Variants in VMP1 observed in about 807,000 individuals in gnomAD.
VMP1 encodes ectopic P-granules autophagy protein 3 homolog.
VMP1 carries 11 observed loss-of-function variants against 56.0 expected under a neutral mutation model. The observed-to-expected ratio is 0.20, with a 90% confidence interval of 0.12 to 0.32. VMP1 has a LOEUF of 0.32. VMP1 is among the 10% of genes least tolerant of loss of function. The pLI is 1.00. For missense variants in VMP1, 296 were observed against 490.3 expected, an observed-to-expected ratio of 0.60 and a Z score of 3.74; for synonymous variants, 149 against 165.0, an observed-to-expected ratio of 0.90 and a Z score of 0.74.
At chr17:59,744,629 GAA>G (rs767347544) in intron 5 of VMP1, among the ~76,000 whole-genome samples, 9 of 75,524 alleles carry the variant, frequency 1.2e-4, no homozygotes, top group Admixed American at 3.1e-4. Flanking sequence ...ATCTCTACCA[GAA>G]AAAAAAAAAA....
intron 7 of VMP1, among the ~76,000 whole-genome samples, chr17:59,775,020 C>T (rs2036568871): frequency 6.6e-6 from 1 of 151,522 alleles, no homozygotes; most frequent in Non-Finnish European, 1.5e-5. Flanking sequence ...CGGCTCACTA[C>T]AAGCTCCACC....
At chr17:59,774,027 G>T (rs558336452) in intron 7 of VMP1, 142 bp downstream of exon 7, 2 of 913,146 alleles carry the variant, frequency 2.2e-6, no homozygotes, top group Admixed American at 3.7e-5. Flanking sequence ...GCTTGAGATA[G>T]AATATTTAGA....
chr17:59,782,408 C>CT (rs2036856787), intron 7 of VMP1, among the ~76,000 whole-genome samples: 1 of 151,970 alleles, frequency 6.6e-6, no homozygotes, highest in African/African-American at 2.4e-5. Context: ...TAATTTGCAT[C>CT]TTTTTTCCTA....
intron 10 of VMP1, among the ~76,000 whole-genome samples, chr17:59,829,847 AAATTCAGTCTCT>A (rs1440555006): frequency 6.6e-6 from 1 of 152,088 alleles, no homozygotes; most frequent in Non-Finnish European, 1.5e-5. Flanking sequence ...CTTAAATGTA[AAATTCAGTCTCT>A]TCAGCAGAAG....
intron 1 of VMP1, among the ~76,000 whole-genome samples, chr17:59,719,233 C>T (rs1205676663): frequency 6.6e-6 from 1 of 152,112 alleles, no homozygotes; most frequent in Admixed American, 6.6e-5. Context: ...GCCAGAGCAT[C>T]GCTTGAGCCC....
At chr17:59,748,121 A>G (rs1256548487) in intron 5 of VMP1, among the ~76,000 whole-genome samples, 1 of 148,890 alleles carries the variant, frequency 6.7e-6, no homozygotes, top group African/African-American at 2.5e-5. Flanking sequence ...GCGTGAACCC[A>G]GGAGGCGGAG....
chr17:59,806,306 T>C (rs958612722), intron 7 of VMP1, among the ~76,000 whole-genome samples: 4 of 152,164 alleles, frequency 2.6e-5, no homozygotes, highest in African/African-American at 9.7e-5. Flanking sequence ...TATATGGTTT[T>C]AAATCAATAA....
At chr17:59,753,657 T>C (rs985178724) in intron 5 of VMP1, among the ~76,000 whole-genome samples, 1 of 152,054 alleles carries the variant, frequency 6.6e-6, no homozygotes, top group Non-Finnish European at 1.5e-5. Flanking sequence ...GGCAAAAGAC[T>C]TCACAAAGCC....
chr17:59,718,298 G>A (rs1238225124), intron 1 of VMP1, among the ~76,000 whole-genome samples: 4 of 143,050 alleles, frequency 2.8e-5, no homozygotes, highest in African/African-American at 5.1e-5. Context: ...CTGGGTTCAC[G>A]CCATTCTCCT....
chr17:59,802,247 A>G (rs1018511901), intron 7 of VMP1, among the ~76,000 whole-genome samples: 2 of 152,030 alleles, frequency 1.3e-5, no homozygotes, highest in South Asian at 2.1e-4. Context: ...GTTTAGATAC[A>G]CATATACTTA....
chr17:59,775,164 T>C (rs1332834117), intron 7 of VMP1, among the ~76,000 whole-genome samples: 1 of 152,022 alleles, frequency 6.6e-6, no homozygotes, highest in Non-Finnish European at 1.5e-5. Context: ...CAGGATGGTC[T>C]TGATCTCCTG....
At chr17:59,737,431 A>C in intron 3 of VMP1, 22 bp from the exon 4 acceptor site, 2 of 1,593,396 alleles carry the variant, frequency 1.3e-6, no homozygotes, top group Non-Finnish European at 1.7e-6. Flanking sequence ...TGAGATATTT[A>C]TTTTTTTTAT....
At chr17:59,723,014 G>A (rs142349381) in intron 1 of VMP1, among the ~76,000 whole-genome samples, 2 of 152,220 alleles carry the variant, frequency 1.3e-5, no homozygotes, top group African/African-American at 4.8e-5. Flanking sequence ...TGGAGGGTGG[G>A]GTTGTCTTCC....
At chr17:59,751,476 T>C (rs989561369) in intron 5 of VMP1, among the ~76,000 whole-genome samples, 2 of 152,014 alleles carry the variant, frequency 1.3e-5, no homozygotes, top group Admixed American at 6.5e-5. Flanking sequence ...GCTCGGTGGC[T>C]CATGCCTGTG....
chr17:59,771,606 GTTT>G (rs1306304917), intron 6 of VMP1, among the ~76,000 whole-genome samples: 4 of 123,452 alleles, frequency 3.2e-5, no homozygotes, highest in Non-Finnish European at 7.0e-5. Context: ...GGTTTTTTTG[GTTT>G]TTTTTTTTTT....
intron 7 of VMP1, 103 bp downstream of exon 7, chr17:59,773,988 T>TA (rs199776106): frequency 0.024 from 19,929 of 826,292 alleles, 41 homozygotes; most frequent in Non-Finnish European, 0.025. Flanking sequence ...ACTGCTAAAG[T>TA]AAAAAAAAAA....
chr17:59,714,654 G>T (rs1373401730), intron 1 of VMP1, among the ~76,000 whole-genome samples: 3 of 151,898 alleles, frequency 2.0e-5, no homozygotes, highest in Non-Finnish European at 4.4e-5. Flanking sequence ...TTTTTGGTGG[G>T]GGGTGGGGGC....
At chr17:59,711,715 G>A (rs1323598559) in intron 1 of VMP1, among the ~76,000 whole-genome samples, 4 of 152,130 alleles carry the variant, frequency 2.6e-5, no homozygotes, top group Non-Finnish European at 5.9e-5. Flanking sequence ...TTCTGTGTCA[G>A]ATAAAAGGTG....
chr17:59,717,784 G>A (rs958086415), intron 1 of VMP1, among the ~76,000 whole-genome samples: 1 of 152,142 alleles, frequency 6.6e-6, no homozygotes, highest in East Asian at 1.9e-4. Flanking sequence ...GCTAGGCATG[G>A]TGGTGCGTGC....
Sources: gnomAD v4.1 joint callset for allele counts (sites outside exome capture counted in the v4.1 genomes callset) on GRCh38, gnomAD v4.1.1 for gene constraint, MANE v1.5 for transcripts, NCBI Gene and HGNC (gene_info 2026-07-23, HGNC 2026-07-21) for gene names.